VSNL1: variants seen among roughly 807,000 people sequenced by gnomAD.
VSNL1 encodes the protein visinin like 1.
VSNL1 carries 6 observed loss-of-function variants against 20.4 expected under a neutral mutation model. That is an observed-to-expected ratio of 0.29 (90% CI 0.16 to 0.58). The LOEUF (loss-of-function observed/expected upper bound fraction) is 0.58, where lower values mean the gene tolerates loss of function less well. Among genes scored for constraint, VSNL1 ranks in the 20% least tolerant of loss-of-function variants. The probability of loss-of-function intolerance (pLI) is 0.90; values close to 1 mark genes in which losing one functional copy is unlikely to be tolerated. For synonymous variants in VSNL1, 93 were observed against 86.4 expected (o/e 1.08, Z -0.42); for missense variants, 100 against 234.5 (o/e 0.43, Z 3.75).
intron 2 of VSNL1, among the ~76,000 whole-genome samples, chr2:17,596,793 T>G (rs1664720956): frequency 6.6e-6 from 1 of 152,232 alleles, no homozygotes; most frequent in Non-Finnish European, 1.5e-5. Context: ...TTCCTAGCTG[T>G]GTTACATTTA....
At chr2:17,635,465 T>C (rs759472072) in intron 2 of VSNL1, among the ~76,000 whole-genome samples, 4 of 152,214 alleles carry the variant, frequency 2.6e-5, no homozygotes, top group Non-Finnish European at 5.9e-5. Flanking sequence ...GGCTTGTGGT[T>C]CTTGCTTTTG....
chr2:17,605,215 T>A (rs951234148), intron 2 of VSNL1, among the ~76,000 whole-genome samples: 1 of 152,234 alleles, frequency 6.6e-6, no homozygotes, highest in African/African-American at 2.4e-5. Context: ...TTGAGGAAGC[T>A]GGCACTGCTG....
chr2:17,626,126 T>G (rs1665503047), intron 2 of VSNL1, among the ~76,000 whole-genome samples: 1 of 152,154 alleles, frequency 6.6e-6, no homozygotes, highest in South Asian at 2.1e-4. Context: ...GCCCCTTGGC[T>G]GATCTTCTAA....
intron 2 of VSNL1, among the ~76,000 whole-genome samples, chr2:17,607,663 C>T (rs1188835741): frequency 1.3e-5 from 2 of 152,196 alleles, no homozygotes; most frequent in African/African-American, 2.4e-5. Flanking sequence ...ATTTTTTTGT[C>T]CAGCTACCCA....
intron 1 of VSNL1, among the ~76,000 whole-genome samples, chr2:17,556,513 A>G (rs562362537): frequency 6.6e-6 from 1 of 152,312 alleles, no homozygotes; most frequent in Admixed American, 6.5e-5. Context: ...TGCCTGTGAA[A>G]CAGAAACTGT....
At chr2:17,561,151 G>A (rs945784241) in intron 1 of VSNL1, among the ~76,000 whole-genome samples, 1 of 152,144 alleles carries the variant, frequency 6.6e-6, no homozygotes, top group Non-Finnish European at 1.5e-5. Flanking sequence ...TGGTAGGGAA[G>A]GGACAATAAA....
rs1572340873 is a variant in VSNL1 at position 17,574,209 on chromosome 2, C to G, written c.-5-17861C>G. 2.6e-5 allele frequency among the ~76,000 whole-genome samples: 4 copies of G among 152,176 alleles called. No homozygotes were observed. In the East Asian group the frequency reaches 7.7e-4, roughly 29 times the overall value. On this transcript the variant is annotated intron_variant, in intron 1 of 3. Transcript: ENST00000295156. ...TCCTATGTCTTTCTTTGATCCCCCC[C>G]CACCCTGATCTTTATATTTCTATCA...
chr2:17,564,839 T>A (rs1031107349), intron 1 of VSNL1, among the ~76,000 whole-genome samples: 5 of 152,198 alleles, frequency 3.3e-5, no homozygotes, highest in Admixed American at 3.3e-4. Flanking sequence ...CTTGAAAGTA[T>A]CGCAGATGCA....
chr2:17,613,199 A>G (rs1665131675), intron 2 of VSNL1, among the ~76,000 whole-genome samples: 1 of 152,184 alleles, frequency 6.6e-6, no homozygotes, highest in Non-Finnish European at 1.5e-5. Flanking sequence ...CAGTGGAACA[A>G]GAAGGTCTAT....
intron 2 of VSNL1, among the ~76,000 whole-genome samples, chr2:17,606,624 G>T (rs879887309): frequency 6.6e-6 from 1 of 152,136 alleles, no homozygotes; most frequent in Non-Finnish European, 1.5e-5. Flanking sequence ...CAGACTTCAT[G>T]ACCATAAACT....
intron 2 of VSNL1, among the ~76,000 whole-genome samples, chr2:17,635,814 T>C (rs1665735457): frequency 6.6e-6 from 1 of 152,168 alleles, no homozygotes; most frequent in South Asian, 2.1e-4. Flanking sequence ...CCTGACACTG[T>C]ACAAAATGCC....
chr2:17,631,354 G>C (rs1231696910), intron 2 of VSNL1, among the ~76,000 whole-genome samples: 3 of 151,912 alleles, frequency 2.0e-5, no homozygotes, highest in Non-Finnish European at 2.9e-5. Context: ...AAAGCAACTT[G>C]TATATGATTT....
intron 2 of VSNL1, among the ~76,000 whole-genome samples, chr2:17,641,311 A>G (rs1558309561): frequency 1.3e-5 from 2 of 152,226 alleles, no homozygotes; most frequent in Admixed American, 6.5e-5. Context: ...AGCTTTCCCC[A>G]CAGCAACCAA....
At chr2:17,651,307 A>G (rs1457751729) in intron 3 of VSNL1, among the ~76,000 whole-genome samples, 4 of 152,204 alleles carry the variant, frequency 2.6e-5, no homozygotes, top group African/African-American at 9.7e-5. Context: ...AGGGTGTTAG[A>G]AAGGACTTCT....
intron 2 of VSNL1, among the ~76,000 whole-genome samples, chr2:17,623,228 C>T (rs1208361262): frequency 1.3e-5 from 2 of 152,000 alleles, no homozygotes; most frequent in African/African-American, 2.4e-5. Context: ...AAGTCCACTT[C>T]GAAGAGTAAA....
chr2:17,625,048 C>G (rs1665476860), intron 2 of VSNL1, among the ~76,000 whole-genome samples: 2 of 152,134 alleles, frequency 1.3e-5, no homozygotes, highest in Non-Finnish European at 2.9e-5. Flanking sequence ...CAGTCTCCCC[C>G]ATACTGTTCT....
intron 1 of VSNL1, among the ~76,000 whole-genome samples, chr2:17,562,016 G>A (rs545351742): frequency 2.6e-5 from 4 of 152,280 alleles, no homozygotes; most frequent in Non-Finnish European, 5.9e-5. Flanking sequence ...AATGCCCCCA[G>A]ACTACTGAAT....
At chr2:17,580,164 T>C (rs1360330857) in intron 1 of VSNL1, among the ~76,000 whole-genome samples, 1 of 152,216 alleles carries the variant, frequency 6.6e-6, no homozygotes, top group Non-Finnish European at 1.5e-5. Context: ...ATGACTCATA[T>C]TCAAATTCAA....
At chr2:17,555,262 A>G (rs1663648456) in intron 1 of VSNL1, among the ~76,000 whole-genome samples, 1 of 152,206 alleles carries the variant, frequency 6.6e-6, no homozygotes, top group Non-Finnish European at 1.5e-5. Flanking sequence ...CATTATGAGC[A>G]GATGGCTGCA....
Sources: allele counts gnomAD v4.1 joint callset (sites outside exome capture counted in the v4.1 genomes callset), GRCh38; gene constraint gnomAD v4.1.1; transcripts MANE v1.5; gene names NCBI Gene and HGNC (gene_info 2026-07-23, HGNC 2026-07-21).